CD72: variants seen among roughly 807,000 people sequenced by gnomAD.
CD72 encodes B-cell differentiation antigen CD72.
Under a neutral mutation model 50.7 loss-of-function variants are expected in CD72, and 28 were observed. That is an observed-to-expected ratio of 0.55 (90% CI 0.41 to 0.76). The LOEUF is 0.76. Among genes scored for constraint, CD72 ranks in the 30% least tolerant of loss-of-function variants. CD72 has a pLI of 0.00. For missense variants in CD72, 403 were observed against 420.6 expected (o/e 0.96, Z 0.37); for synonymous variants, 176 against 171.2 (o/e 1.03, Z -0.22).
intron 7 of CD72, among the ~76,000 whole-genome samples, chr9:35,611,149 G>T (rs1269236383): frequency 6.6e-6 from 1 of 152,148 alleles, no homozygotes; most frequent in Non-Finnish European, 1.5e-5. Context: ...TGCTGGGGAG[G>T]CTGAGGCAGG....
At chr9:35,644,639 C>T (rs868205944) in intron 1 of CD72, among the ~76,000 whole-genome samples, 1 of 152,156 alleles carries the variant, frequency 6.6e-6, no homozygotes, top group Non-Finnish European at 1.5e-5. Context: ...CTGTCAGCCT[C>T]CTTTTGGCTA....
At chr9:35,630,170 CTGGAATTACAG>C (rs1482901924) in intron 1 of CD72, among the ~76,000 whole-genome samples, 1 of 151,776 alleles carries the variant, frequency 6.6e-6, no homozygotes, top group African/African-American at 2.4e-5. Context: ...TCCCGAGTAG[CTGGAATTACAG>C]GCATGTGCCA....
intron 2 of CD72, 113 bp from the exon 3 acceptor site, chr9:35,617,360 C>A (rs1823082302): frequency 1.7e-6 from 2 of 1,156,214 alleles, no homozygotes; most frequent in Admixed American, 5.5e-5. Flanking sequence ...CCTACGTTGC[C>A]TGCTAGAGCT....
At chr9:35,623,790 C>A (rs1009638776), upstream of CD72, among the ~76,000 whole-genome samples, 1 of 152,058 alleles carries the variant, frequency 6.6e-6, no homozygotes, top group Non-Finnish European at 1.5e-5. Flanking sequence ...GTGGTACATG[C>A]GTAATCCCAG....
chr9:35,616,175 C>T lies in CD72; in HGVS notation c.456G>A (p.Gln152=). 1 of 1,614,088 alleles carries T rather than the reference C, an allele frequency of 6.2e-7. No individual in the cohort carries two copies. The highest frequency in any genetic ancestry group is 8.5e-7 in the Non-Finnish European group (1 of 1,179,930). Reference sequence around the variant, plus strand: ...TGGACCCCTGCAGATCCTCTGCACTCTGTCCCAGCTGCGTTATCTTGAGGC... The same window carrying T: ...TGGACCCCTGCAGATCCTCTGCACTTTGTCCCAGCTGCGTTATCTTGAGGC... ...QLRLKITQLG[Q]SAEDLQGSRR... The change falls in exon 5 of 9, where the codon CAG becomes CAA. Residue 152 remains glutamine (Q), a synonymous_variant. Transcript: ENST00000259633.
intron 1 of CD72, among the ~76,000 whole-genome samples, chr9:35,629,514 T>C (rs189217508): frequency 8.5e-5 from 13 of 152,310 alleles, no homozygotes; most frequent in African/African-American, 2.9e-4. Context: ...GAATTGCTCT[T>C]ATTTGGTACA....
At chr9:35,636,932 C>T (rs1189723997) in intron 1 of CD72, among the ~76,000 whole-genome samples, 1 of 152,204 alleles carries the variant, frequency 6.6e-6, no homozygotes, top group Non-Finnish European at 1.5e-5. Flanking sequence ...TAGCCAGTTC[C>T]TGCCTTAACT....
chr9:35,627,450 T>C (rs1334738208), intron 1 of CD72, among the ~76,000 whole-genome samples: 1 of 112,332 alleles, frequency 8.9e-6, no homozygotes, highest in East Asian at 2.6e-4. Flanking sequence ...TTTATATGCA[T>C]TGGGAAACAA....
At position 35,616,088 on chromosome 9, in the gene CD72, G is replaced by C. The variant is rs148436772; in HGVS notation, c.543C>G (p.Ala181=). The C allele has an allele frequency of 6.2e-7, 1 of 1,614,030 alleles. No individual in the cohort carries two copies. The highest frequency in any genetic ancestry group is 2.2e-5 in the East Asian group (1 of 44,868). ...CCTGGCAGGCCTGTAGCTGCCCTTCGGCCGCCTGATGAGCCCTCTGTTCCA... is the reference window on the plus strand; with the variant it reads ...CCTGGCAGGCCTGTAGCTGCCCTTCCGCCGCCTGATGAGCCCTCTGTTCCA... ...LQVEQRAHQA[A]EGQLQACQAD... The change falls in exon 5 of 9, where the codon GCC becomes GCG. Residue 181 remains alanine (A), a synonymous_variant. Coordinates refer to ENST00000259633, the MANE Select transcript of CD72 (RefSeq NM_001782.3).
intron 5 of CD72, among the ~76,000 whole-genome samples, chr9:35,614,464 G>A (rs539575165): frequency 6.6e-6 from 1 of 152,312 alleles, no homozygotes; most frequent in South Asian, 2.1e-4. Flanking sequence ...GGAAAGTGAA[G>A]GGAATTCCTC....
At chr9:35,615,597 A>T (rs1240999930) in intron 5 of CD72, among the ~76,000 whole-genome samples, 1 of 151,852 alleles carries the variant, frequency 6.6e-6, no homozygotes, top group Admixed American at 6.6e-5. Context: ...TGTCTTTAGA[A>T]AGATGTGCAA....
chr9:35,618,934 G>GC (rs770928101), upstream of CD72: 42 of 368,094 alleles, frequency 1.1e-4, no homozygotes, highest in Non-Finnish European at 2.1e-4. Flanking sequence ...TGGCAGCACT[G>GC]CCCCCCATGC....
At chr9:35,617,884 T>A (rs1823092167) in intron 2 of CD72, 130 bp downstream of exon 2, 2 of 715,142 alleles carry the variant, frequency 2.8e-6, no homozygotes, top group Non-Finnish European at 5.1e-6. Context: ...TGAGCCATGA[T>A]CACACCACTG....
upstream of CD72, among the ~76,000 whole-genome samples, chr9:35,623,788 T>G (rs1823167162): frequency 6.6e-6 from 1 of 152,080 alleles, no homozygotes; most frequent in African/African-American, 2.4e-5. Context: ...TAGTGGTACA[T>G]GCGTAATCCC....
chr9:35,643,979 C>T (rs1823362384), intron 1 of CD72, among the ~76,000 whole-genome samples: 1 of 151,430 alleles, frequency 6.6e-6, no homozygotes, highest in Non-Finnish European at 1.5e-5. Flanking sequence ...GAGAAAAACT[C>T]CGTCTCAAAA....
chr9:35,617,143 G>GGCCCCGCGGCT, intron 3 of CD72, 33 bp downstream of exon 3: 1 of 1,551,352 alleles, frequency 6.4e-7, no homozygotes, highest in Non-Finnish European at 8.7e-7. Flanking sequence ...GCGAGCACTT[G>GGCCCCGCGGCT]GCCCCGCGGC....
chr9:35,612,790 A>G (rs750147043), intron 6 of CD72, 58 bp downstream of exon 6: 2 of 1,519,494 alleles, frequency 1.3e-6, no homozygotes, highest in Admixed American at 1.8e-5. Flanking sequence ...TGACTTGATG[A>G]CATATGTCCC....
intron 1 of CD72, among the ~76,000 whole-genome samples, chr9:35,626,687 C>T (rs1179940206): frequency 6.6e-6 from 1 of 152,146 alleles, no homozygotes; most frequent in African/African-American, 2.4e-5. Context: ...CAGCAGCTAC[C>T]AACATCAAGG....
chr9:35,634,197 C>T (rs1823270322), intron 1 of CD72, among the ~76,000 whole-genome samples: 1 of 151,756 alleles, frequency 6.6e-6, no homozygotes, highest in South Asian at 2.1e-4. Context: ...CAATTTTTCT[C>T]CTCATTAATT....
Sources: gnomAD v4.1 joint callset for allele counts (sites outside exome capture counted in the v4.1 genomes callset) on GRCh38, gnomAD v4.1.1 for gene constraint, MANE v1.5 for transcripts, NCBI Gene and HGNC (gene_info 2026-07-23, HGNC 2026-07-21) for gene names.